Variants in ELAPOR1 observed in about 807,000 individuals in gnomAD.
ELAPOR1 encodes endosome/lysosome-associated apoptosis and autophagy regulator 1.
Under a neutral mutation model 119.7 loss-of-function variants are expected in ELAPOR1, and 77 were observed. The ratio of observed to expected loss-of-function variants is 0.64; its 90% confidence interval spans 0.54 to 0.78. The LOEUF (loss-of-function observed/expected upper bound fraction) is 0.78. Among genes scored for constraint, ELAPOR1 ranks in the 30% least tolerant of loss-of-function variants. The pLI, the probability that ELAPOR1 is intolerant of heterozygous loss-of-function variation, is 0.00. For synonymous variants in ELAPOR1, 481 were observed against 487.2 expected (o/e 0.99, Z 0.17); for missense variants, 1,115 against 1,270.4 (o/e 0.88, Z 1.86).
chr1:109,180,307 G>A (rs529393372), intron 7 of ELAPOR1, among the ~76,000 whole-genome samples: 1 of 152,242 alleles, frequency 6.6e-6, no homozygotes, highest in East Asian at 1.9e-4. Flanking sequence ...GTGCCACCTT[G>A]GGCAAATTAC....
At chr1:109,150,473 C>A (rs1482111403) in intron 1 of ELAPOR1, among the ~76,000 whole-genome samples, 10 of 152,172 alleles carry the variant, frequency 6.6e-5, no homozygotes, top group Non-Finnish European at 2.9e-5. Flanking sequence ...TCTTCGACTG[C>A]TGCTGGGTCT....
intron 9 of ELAPOR1, among the ~76,000 whole-genome samples, 178 bp downstream of exon 9, chr1:109,188,532 T>C (rs1040935182): frequency 6.6e-6 from 1 of 152,210 alleles, no homozygotes; most frequent in African/African-American, 2.4e-5. Flanking sequence ...GCTGGCCTCG[T>C]CTGCAGGTCA....
At chr1:109,183,464 G>T (rs1376658555) in intron 7 of ELAPOR1, among the ~76,000 whole-genome samples, 1 of 152,156 alleles carries the variant, frequency 6.6e-6, no homozygotes, top group East Asian at 1.9e-4. Context: ...GGTTCACAGG[G>T]TTAAAGCAGA....
At chr1:109,188,502 T>G in intron 9 of ELAPOR1, 148 bp downstream of exon 9, 2 of 883,904 alleles carry the variant, frequency 2.3e-6, no homozygotes, top group East Asian at 2.7e-5. Context: ...AGGACTAAAT[T>G]CAGGAGAAGA....
intron 15 of ELAPOR1, 64 bp from the exon 16 acceptor site, chr1:109,197,410 C>T (rs1653876700): frequency 6.8e-7 from 1 of 1,467,254 alleles, no homozygotes. Flanking sequence ...TCCCTATTCC[C>T]TTCTGGGAAT....
intron 3 of ELAPOR1, among the ~76,000 whole-genome samples, chr1:109,170,926 T>A (rs1651881982): frequency 6.6e-6 from 1 of 152,180 alleles, no homozygotes; most frequent in Non-Finnish European, 1.5e-5. Flanking sequence ...GTCTCCAGGG[T>A]TCTCCGGCCC....
intron 1 of ELAPOR1, among the ~76,000 whole-genome samples, chr1:109,125,399 T>C (rs1311061956): frequency 6.6e-6 from 1 of 151,022 alleles, no homozygotes; most frequent in African/African-American, 2.4e-5. Flanking sequence ...TGTTTTGTTT[T>C]GTTTTGTTTT....
rs981692322 is a variant in ELAPOR1 at position 109,198,647 on chromosome 1, C to T, written c.2474C>T (p.Thr825Ile). The change falls in exon 18 of 22, where the codon ACT (threonine) becomes ATT (isoleucine). Residue 825 changes from threonine to isoleucine, a missense_variant. Coordinates refer to ENST00000369939, the MANE Select transcript of ELAPOR1 (RefSeq NM_020775.5). ...TIRVRCSPQK[T>I]VPGSLLLPGT... ...CGCGTCAGGTGCAGTCCACAGAAAACTGTCCCTGGAAGTTTGCTGCTGCCA... is the reference window on the plus strand; with the variant it reads ...CGCGTCAGGTGCAGTCCACAGAAAATTGTCCCTGGAAGTTTGCTGCTGCCA... The T allele has an allele frequency of 1.9e-6, 3 of 1,613,668 alleles. No individual in the cohort carries two copies. The highest frequency in any genetic ancestry group is 1.7e-5 in the Admixed American group (1 of 59,948).
intron 7 of ELAPOR1, among the ~76,000 whole-genome samples, chr1:109,183,312 G>A (rs563114204): frequency 7.3e-6 from 1 of 136,266 alleles, no homozygotes; most frequent in East Asian, 2.1e-4. Context: ...GCAACATAGC[G>A]AGACTCTGTC....
Position 109,172,031 on chromosome 1 carries a change from G to A in ELAPOR1, c.615+18G>A. 6.2e-7 allele frequency: 1 copy of A among 1,614,128 alleles called. No individual in the cohort carries two copies. The highest frequency in any genetic ancestry group is 8.5e-7 in the Non-Finnish European group (1 of 1,179,970). On this transcript the variant is annotated intron_variant, in intron 4 of 21. Transcript: ENST00000369939. Reference sequence around the variant, plus strand: ...AGTTTTTCGTAAGCCCCTGGCCAAGGTGGAGGGTGGGAGCTAAAAAGCCTC... The same window carrying A: ...AGTTTTTCGTAAGCCCCTGGCCAAGATGGAGGGTGGGAGCTAAAAAGCCTC...
intron 2 of ELAPOR1, among the ~76,000 whole-genome samples, chr1:109,163,812 G>A (rs1651411437): frequency 6.6e-6 from 1 of 152,178 alleles, no homozygotes; most frequent in Non-Finnish European, 1.5e-5. Context: ...ATTCCACCTA[G>A]CATGGTGGCA....
intron 1 of ELAPOR1, among the ~76,000 whole-genome samples, chr1:109,149,630 T>G (rs1382493440): frequency 6.6e-6 from 1 of 152,138 alleles, no homozygotes. Flanking sequence ...CTATGTCAGG[T>G]GCTGTTCTGG....
intron 1 of ELAPOR1, among the ~76,000 whole-genome samples, chr1:109,151,872 C>CT (rs550341597): frequency 2.8e-3 from 341 of 121,114 alleles, no homozygotes; most frequent in Middle Eastern, 7.9e-3. Flanking sequence ...CAGCCTCATC[C>CT]TTTTTTTTTT....
At position 109,144,033 on chromosome 1, in the gene ELAPOR1, T is replaced by TTA. The variant is rs1265476565; in HGVS notation, c.154-17841_154-17840dup. ...GAAAGGGAAGGTGAATTTTCTAAAATTATATATATATATATATATATTTAT... is the reference window on the plus strand; with the variant it reads ...GAAAGGGAAGGTGAATTTTCTAAAATTATATATATATATATATATATATTTAT... On this transcript the variant is annotated intron_variant, in intron 1 of 21. Transcript: ENST00000369939. 2.1e-3 allele frequency among the ~76,000 whole-genome samples: 196 copies of TTA among 91,804 alleles called. 4 individuals are homozygous for TTA. Among genetic ancestry groups the TTA allele is most frequent in the East Asian group, 7.8e-3 (26 of 3,328 alleles). The allele number at this position is 91,804 out of a possible 152,430, so 60.2% of individuals were successfully genotyped here. A position where few individuals can be genotyped will look rare whatever the true frequency, so the allele number is the denominator to read the frequency against.
rs150398954 is a variant in ELAPOR1 at position 109,138,834 on chromosome 1, C to CAAAAAAAAAAAAAA, written c.154-23056_154-23043dup. ...GGGCAACAAGAGTGAAACTCCATCTCAAAAAAAAAAAAAAAAAGAATCTTC... is the reference window on the plus strand; with the variant it reads ...GGGCAACAAGAGTGAAACTCCATCTCAAAAAAAAAAAAAAAAAAAAAAAAAAAAAAAGAATCTTC... On this transcript the variant is annotated intron_variant, in intron 1 of 21. Coordinates refer to ENST00000369939, the MANE Select transcript of ELAPOR1 (RefSeq NM_020775.5). Among the ~76,000 whole-genome samples, 89 of 107,250 alleles carry CAAAAAAAAAAAAAA rather than the reference C, an allele frequency of 8.3e-4. 1 individual carries two copies. Among genetic ancestry groups the CAAAAAAAAAAAAAA allele is most frequent in the South Asian group, 1.0e-3 (3 of 2,900 alleles). The allele number at this position is 107,250 out of a possible 152,430, so 70.4% of individuals were successfully genotyped here.
intron 8 of ELAPOR1, 180 bp from the exon 9 acceptor site, chr1:109,187,990 CCATGACT>C (rs1653160598): frequency 1.5e-6 from 2 of 1,359,004 alleles, no homozygotes; most frequent in African/African-American, 2.9e-5. Context: ...TTGAACACAA[CCATGACT>C]CAGGCACTGG....
Position 109,138,469 on chromosome 1 carries a change from T to G in ELAPOR1, c.154-23425T>G, listed in dbSNP as rs555117362. Among the ~76,000 whole-genome samples, 18 of 152,204 alleles carry G rather than the reference T, an allele frequency of 1.2e-4. No individual in the cohort carries two copies. In the East Asian group the frequency reaches 3.3e-3, roughly 28 times the overall value. ...GCCTCTATGGCTCGGAGCGCTCATA[T>G]ATCACAGGTGTGTCCACAGCTGATA... On this transcript the variant is annotated intron_variant, in intron 1 of 21. Transcript: ENST00000369939.
intron 1 of ELAPOR1, among the ~76,000 whole-genome samples, chr1:109,138,834 C>CAAAAA (rs150398954): frequency 1.9e-5 from 2 of 107,312 alleles, no homozygotes; most frequent in African/African-American, 3.8e-5. Context: ...AACTCCATCT[C>CAAAAA]AAAAAAAAAA....
chr1:109,138,677 G>A (rs1045047577), intron 1 of ELAPOR1, among the ~76,000 whole-genome samples: 8 of 151,680 alleles, frequency 5.3e-5, no homozygotes, highest in East Asian at 1.9e-4. Context: ...ACCCAATGAC[G>A]GTGTCAGGTC....
Sources: gnomAD v4.1 joint callset for allele counts (sites outside exome capture counted in the v4.1 genomes callset) on GRCh38, gnomAD v4.1.1 for gene constraint, MANE v1.5 for transcripts, NCBI Gene and HGNC (gene_info 2026-07-23, HGNC 2026-07-21) for gene names.